The following CD164 variants were observed in gnomAD, a reference collection of about 807,000 sequenced individuals.
The protein encoded by CD164 is sialomucin core protein 24.
Under a neutral mutation model 24.6 loss-of-function variants are expected in CD164, and 11 were observed. The ratio of observed to expected loss-of-function variants is 0.45; its 90% CI spans 0.28 to 0.74. The LOEUF is 0.74. CD164 is among the 30% of genes least tolerant of loss of function. CD164 has a pLI of 0.13. For synonymous variants in CD164, 126 were observed against 100.3 expected, an observed-to-expected ratio of 1.26 and a Z score of -1.53; for missense variants, 295 against 243.7, an observed-to-expected ratio of 1.21 and a Z score of -1.40.
chr6:109,380,732 AATAC>A (rs1288004411), intron 1 of CD164, among the ~76,000 whole-genome samples: 1 of 152,216 alleles, frequency 6.6e-6, no homozygotes, highest in Non-Finnish European at 1.5e-5. Flanking sequence ...ATTTCCAGAA[AATAC>A]ATACCTCCTT....
At chr6:109,382,111 G>A (rs931530311) in intron 1 of CD164, 93 bp downstream of exon 1, 10 of 1,159,908 alleles carry the variant, frequency 8.6e-6, no homozygotes, top group African/African-American at 1.6e-5. Flanking sequence ...CCGCCCGACC[G>A]TGGCCCGAAC....
Position 109,368,991 on chromosome 6 carries a change from T to C in CD164, c.454A>G (p.Thr152Ala), listed in dbSNP as rs766925026. The C allele has an allele frequency of 2.0e-5, 33 of 1,613,232 alleles. No individual in the cohort carries two copies. Among genetic ancestry groups the C allele is most frequent in the Non-Finnish European group, 2.8e-5 (33 of 1,179,662 alleles). The stretch of plus-strand genomic sequence containing the variant: ...GTAGACTTTCGCACAGGTTGTGAGG[T>C]TGGAGTCACAGTGTTATTTGTTGTA... ...SGTTNNTVTPTSQPVRKSTFD... is the reference protein window; with the variant it reads ...SGTTNNTVTPASQPVRKSTFD... Residue 152 changes from threonine to alanine, a missense_variant, in exon 6 of 6, where the codon ACC (threonine) becomes GCC (alanine). Coordinates refer to ENST00000310786, the MANE Select transcript of CD164 (RefSeq NM_006016.6).
chr6:109,368,469 T>G lies in CD164; in HGVS notation c.*382A>C. 1 of 1,371,324 alleles carries G rather than the reference T, an allele frequency of 7.3e-7. No individual in the cohort carries two copies. The highest frequency in any genetic ancestry group is 9.4e-7 in the Non-Finnish European group (1 of 1,066,832). The allele number at this position is 1,371,324 out of a possible 1,614,324, so 84.9% of individuals were successfully genotyped here. A position where few individuals can be genotyped will look rare whatever the true frequency, so the allele number is the denominator to read the frequency against. On this transcript the variant is annotated 3_prime_UTR_variant, in exon 6 of 6. Transcript: ENST00000310786. ...TTGATTCTCATTTGGCACGTTCTTC[T>G]CAATTCTGTTCACTAAATTAAAATT...
At position 109,379,824 on chromosome 6, in the gene CD164, A is replaced by T. The variant is rs1179326545; in HGVS notation, c.176-162T>A. The T allele has an allele frequency of 1.7e-5, 10 of 575,894 alleles. No homozygotes were observed. The East Asian group carries it at 3.1e-4, about 18-fold the overall frequency. 35.7% of individuals were successfully genotyped at this position (575,894 alleles called of 1,614,324 possible). A position where few individuals can be genotyped will look rare whatever the true frequency, so the allele number is the denominator to read the frequency against. On this transcript the variant is annotated intron_variant, in intron 1 of 5. Transcript: ENST00000310786. Reference sequence around the variant, plus strand: ...TTATACTGGTTTACTAAGAAATTCCAATCATTACAAAGCTGTAAGTAAACG... The same window carrying T: ...TTATACTGGTTTACTAAGAAATTCCTATCATTACAAAGCTGTAAGTAAACG...
At chr6:109,381,733 G>A (rs1771762160) in intron 1 of CD164, 1 of 590,288 alleles carries the variant, frequency 1.7e-6, no homozygotes. Flanking sequence ...CTCTTTCCCG[G>A]ACTTCCGGAG....
At chr6:109,380,788 T>C (rs1361756730) in intron 1 of CD164, among the ~76,000 whole-genome samples, 1 of 152,180 alleles carries the variant, frequency 6.6e-6, no homozygotes, top group Admixed American at 6.5e-5. Context: ...AATTTGATAC[T>C]TCCAACCTTC....
Position 109,368,569 on chromosome 6 carries a change from A to G in CD164, c.*282T>C, listed in dbSNP as rs1007075767. On this transcript the variant is annotated 3_prime_UTR_variant, in exon 6 of 6. Transcript: ENST00000310786. Reference sequence around the variant, plus strand: ...TTTTCCATCACTTTCAGAAAGTTATATTTGGCATGTTAAGGAAAAAAAATA... The same window carrying G: ...TTTTCCATCACTTTCAGAAAGTTATGTTTGGCATGTTAAGGAAAAAAAATA... 4.3e-5 allele frequency: 57 copies of G among 1,336,840 alleles called. No homozygotes were observed. Among genetic ancestry groups the G allele is most frequent in the Non-Finnish European group, 5.1e-5 (54 of 1,049,674 alleles). 82.8% of individuals were successfully genotyped at this position (1,336,840 alleles called of 1,614,324 possible).
rs895126201 is a variant in CD164, at chr6:109,368,447, A to T, written c.*404T>A. On this transcript the variant is annotated 3_prime_UTR_variant, in exon 6 of 6. Transcript: ENST00000310786. The stretch of plus-strand genomic sequence containing the variant: ...TGACAGCCAAAAATCCACCTAATTG[A>T]TTCTCATTTGGCACGTTCTTCTCAA... The T allele has an allele frequency of 6.4e-6, 9 of 1,395,996 alleles. No individual in the cohort carries two copies. In the African/African-American group the frequency reaches 1.3e-4, roughly 21 times the overall value. 86.5% of individuals were successfully genotyped at this position (1,395,996 alleles called of 1,614,324 possible). A position where few individuals can be genotyped will look rare whatever the true frequency, so the allele number is the denominator to read the frequency against.
At chr6:109,381,554 G>A (rs1439972812) in intron 1 of CD164, 1 of 702,456 alleles carries the variant, frequency 1.4e-6, no homozygotes, top group Non-Finnish European at 2.6e-6. Context: ...TACATACATG[G>A]GTACTTTTCT....
At position 109,370,438 on chromosome 6, in the gene CD164, T is replaced by C. The variant is rs148700319; in HGVS notation, c.400A>G (p.Thr134Ala). 3.1e-5 allele frequency: 50 copies of C among 1,613,208 alleles called. No homozygotes were observed. Among genetic ancestry groups the C allele is most frequent in the Non-Finnish European group, 4.1e-5 (48 of 1,179,530 alleles). ...AKPTVQPSPS[T>A]TSKTVTTSGT... ...GATGTAGTAACTGTCTTGGAAGTTG[T>C]AGAAGGGGAGGGCTGAACTGTGGGT... The change falls in exon 5 of 6, where the codon ACA becomes GCA. Residue 134 changes from threonine (T) to alanine (A), a missense_variant. Coordinates refer to ENST00000310786, the MANE Select transcript of CD164 (RefSeq NM_006016.6).
At chr6:109,374,515 A>G (rs1054461645) in intron 4 of CD164, among the ~76,000 whole-genome samples, 1 of 152,056 alleles carries the variant, frequency 6.6e-6, no homozygotes, top group African/African-American at 2.4e-5. Flanking sequence ...CAGGCTATCT[A>G]ATCTCCTGAG....
intron 2 of CD164, 128 bp downstream of exon 2, chr6:109,379,451 G>C: frequency 3.2e-6 from 2 of 634,262 alleles, no homozygotes; most frequent in Non-Finnish European, 5.4e-6. Context: ...CACTTTAAAG[G>C]AGTACTGGAT....
intron 4 of CD164, among the ~76,000 whole-genome samples, chr6:109,373,113 CA>C (rs3839564): frequency 6.6e-6 from 1 of 151,138 alleles, no homozygotes; most frequent in African/African-American, 2.4e-5. Flanking sequence ...TAGAAAATGC[CA>C]AAAAAAATAC....
At chr6:109,381,300 A>G (rs1771725306) in intron 1 of CD164, among the ~76,000 whole-genome samples, 1 of 152,202 alleles carries the variant, frequency 6.6e-6, no homozygotes, top group South Asian at 2.1e-4. Context: ...GCACATAACA[A>G]AAGACACGCT....
At chr6:109,374,734 C>G (rs1341013532) in intron 4 of CD164, among the ~76,000 whole-genome samples, 1 of 152,294 alleles carries the variant, frequency 6.6e-6, no homozygotes, top group East Asian at 1.9e-4. Context: ...TCACCTTGTA[C>G]AGGATGGGAC....
Position 109,368,862 on chromosome 6 carries a change from G to C in CD164, c.583C>G (p.His195Asp). 2 of 1,612,508 alleles carry C rather than the reference G, an allele frequency of 1.2e-6. No individual in the cohort carries two copies. The highest frequency in any genetic ancestry group is 1.7e-6 in the Non-Finnish European group (2 of 1,179,480). Residue 195 changes from histidine (H) to aspartate (D), a missense_variant, in exon 6 of 6, where the codon CAC (histidine) becomes GAC (aspartate). Transcript: ENST00000310786. ...KFCKSKERNY[H>D]TL Reference sequence around the variant, plus strand: ...TTCAATGGGTCTGTTTACAGAGTGTGGTAATTTCGTTCTTTAGATTTGCAG... The same window carrying C: ...TTCAATGGGTCTGTTTACAGAGTGTCGTAATTTCGTTCTTTAGATTTGCAG...
intron 4 of CD164, among the ~76,000 whole-genome samples, chr6:109,374,159 C>G (rs1038376584): frequency 1.3e-5 from 2 of 152,118 alleles, no homozygotes. Flanking sequence ...GTCTGGTCTT[C>G]AAGCCCCATC....
chr6:109,378,602 G>A (rs976967786), intron 2 of CD164, among the ~76,000 whole-genome samples: 1 of 152,158 alleles, frequency 6.6e-6, no homozygotes, highest in Non-Finnish European at 1.5e-5. Flanking sequence ...TGGATAGGTA[G>A]ACTTGGAACA....
Position 109,368,462 on chromosome 6 carries a change from G to A in CD164, c.*389C>T. On this transcript the variant is annotated 3_prime_UTR_variant, in exon 6 of 6. Transcript: ENST00000310786. Reference sequence around the variant, plus strand: ...CACCTAATTGATTCTCATTTGGCACGTTCTTCTCAATTCTGTTCACTAAAT... The same window carrying A: ...CACCTAATTGATTCTCATTTGGCACATTCTTCTCAATTCTGTTCACTAAAT... 2 of 1,385,862 alleles carry A rather than the reference G, an allele frequency of 1.4e-6. No individual in the cohort carries two copies. Among genetic ancestry groups the A allele is most frequent in the Middle Eastern group, 2.7e-4 (1 of 3,772 alleles). The allele number at this position is 1,385,862 out of a possible 1,614,324, so 85.8% of individuals were successfully genotyped here.
Sources: gnomAD v4.1 joint callset for allele counts (sites outside exome capture counted in the v4.1 genomes callset) on GRCh38, gnomAD v4.1.1 for gene constraint, MANE v1.5 for transcripts, NCBI Gene and HGNC (gene_info 2026-07-23, HGNC 2026-07-21) for gene names.